Variants in ZBTB41 observed in about 807,000 individuals in gnomAD.
The protein encoded by ZBTB41 is zinc finger and BTB domain containing 41.
Under a neutral mutation model 87.6 loss-of-function variants are expected in ZBTB41, and 42 were observed. The observed-to-expected ratio is 0.48, with a 90% confidence interval of 0.37 to 0.62. The LOEUF is 0.62. Among genes scored for constraint, ZBTB41 ranks in the 20% least tolerant of loss-of-function variants. ZBTB41 has a pLI of 0.00. For missense variants in ZBTB41, 799 were observed against 1,078.9 expected, an observed-to-expected ratio of 0.74 and a Z score of 3.63; for synonymous variants, 364 against 364.0, an observed-to-expected ratio of 1.00 and a Z score of 0.00.
intron 9 of ZBTB41, 136 bp downstream of exon 9, chr1:197,174,865 TTTAGGTCTA>T: frequency 2.1e-6 from 1 of 485,038 alleles, no homozygotes; most frequent in Non-Finnish European, 3.6e-6. Context: ...GCTGAATTCT[TTTAGGTCTA>T]TAGAGATGCT....
In ZBTB41 at chr1:197,199,916, T is replaced by C; in HGVS notation, c.558A>G (p.Leu186=). Residue 186 remains leucine (L), a synonymous_variant, in exon 2 of 11, where the codon CTA becomes CTG. Coordinates refer to ENST00000367405, the MANE Select transcript of ZBTB41 (RefSeq NM_194314.3). ...TTTCTTCTGGTGATGACTTTTCAGTTAGCTCTGAATGAAAAGGGGCAACAT... is the reference window on the plus strand; with the variant it reads ...TTTCTTCTGGTGATGACTTTTCAGTCAGCTCTGAATGAAAAGGGGCAACAT... ...NENVAPFHSE[L]TEKSSPEETL... 1 of 1,612,390 alleles carries C rather than the reference T, an allele frequency of 6.2e-7. No homozygotes were observed. Among genetic ancestry groups the C allele is most frequent in the Non-Finnish European group, 8.5e-7 (1 of 1,179,122 alleles).
chr1:197,199,477 C>T lies in ZBTB41; in HGVS notation c.997G>A (p.Glu333Lys), dbSNP rs765649051. The change falls in exon 2 of 11, where the codon GAA (glutamate) becomes AAA (lysine). Residue 333 changes from glutamate to lysine, a missense_variant. This residue lies in a region of ZBTB41 where 294 missense variants were observed against 340.1 expected (regional missense o/e 0.86). Transcript: ENST00000367405. ...QSEKDHNDAEEEPEAGDSVGN... is the reference protein window; with the variant it reads ...QSEKDHNDAEKEPEAGDSVGN... ...ACAGAATCACCAGCCTCAGGTTCTT[C>T]TTCTGCATCATTATGATCCTTTTCA... is the stretch of plus-strand genomic sequence containing the variant. 1.2e-6 allele frequency: 2 copies of T among 1,613,462 alleles called. No homozygotes were observed. The highest frequency in any genetic ancestry group is 3.3e-5 in the Admixed American group (2 of 59,884).
In ZBTB41 at chr1:197,155,936, T is replaced by C. The variant is rs1039117611; in HGVS notation, c.*3423A>G. ...ATGGGATTTTAGGCTGCAAAAAAAATAGGTTGGGTTTCTTACAAAAATAAC... is the reference window on the plus strand; with the variant it reads ...ATGGGATTTTAGGCTGCAAAAAAAACAGGTTGGGTTTCTTACAAAAATAAC... On this transcript the variant is annotated 3_prime_UTR_variant, in exon 11 of 11. Transcript: ENST00000367405. 1 of 152,192 alleles carries C rather than the reference T, an allele frequency of 6.6e-6. No homozygotes were observed. Among genetic ancestry groups the C allele is most frequent in the African/African-American group, 2.4e-5 (1 of 41,388 alleles). 9.4% of individuals were successfully genotyped at this position (152,192 alleles called of 1,614,324 possible).
At chr1:197,188,226 G>A in intron 5 of ZBTB41, 66 bp downstream of exon 5, 1 of 1,550,428 alleles carries the variant, frequency 6.4e-7, no homozygotes, top group Non-Finnish European at 8.8e-7. Flanking sequence ...GCTATAGAAG[G>A]CTCCTCCAGC....
intron 2 of ZBTB41, 36 bp from the exon 3 acceptor site, chr1:197,191,935 C>A (rs1178095699): frequency 1.3e-6 from 2 of 1,495,044 alleles, no homozygotes; most frequent in African/African-American, 1.4e-5. Flanking sequence ...AAATTTAGTA[C>A]ATTTGCTATA....
intron 8 of ZBTB41, 152 bp downstream of exon 8, chr1:197,176,412 T>C: frequency 1.8e-6 from 1 of 564,896 alleles, no homozygotes; most frequent in Non-Finnish European, 3.1e-6. Context: ...TGGATGCTTT[T>C]TAAAAAATGT....
chr1:197,188,520 T>A, intron 4 of ZBTB41, 81 bp from the exon 5 acceptor site: 1 of 1,281,444 alleles, frequency 7.8e-7, no homozygotes, highest in Non-Finnish European at 1.0e-6. Context: ...AAGAAAACCA[T>A]ATAAATTCAA....
chr1:197,191,910 AG>A lies in ZBTB41; in HGVS notation c.1121-12del, dbSNP rs754034413. 20 of 1,554,962 alleles carry A rather than the reference AG, an allele frequency of 1.3e-5. No individual in the cohort carries two copies. The African/African-American group carries it at 2.2e-4, about 17-fold the overall frequency. ...GGCTCTCATATTTTCCTATAAAAAA[AG>A]AAAAATTAAAATTAAATTTAGTACA... On this transcript the variant is annotated splice_polypyrimidine_tract_variant and intron_variant, in intron 2 of 10. Coordinates refer to ENST00000367405, the MANE Select transcript of ZBTB41 (RefSeq NM_194314.3).
At chr1:197,177,030 C>T (rs1659625682) in intron 7 of ZBTB41, among the ~76,000 whole-genome samples, 1 of 152,056 alleles carries the variant, frequency 6.6e-6, no homozygotes, top group African/African-American at 2.4e-5. Flanking sequence ...TAGGAGTAAT[C>T]AGAAAGGAAT....
At chr1:197,188,204 A>G in intron 5 of ZBTB41, 88 bp downstream of exon 5, 1 of 1,468,740 alleles carries the variant, frequency 6.8e-7, no homozygotes, top group Non-Finnish European at 9.3e-7. Flanking sequence ...TTAGAAGAAA[A>G]AGAGTAATTC....
At chr1:197,173,850 CAT>C (rs1365085178) in intron 9 of ZBTB41, among the ~76,000 whole-genome samples, 5 of 152,028 alleles carry the variant, frequency 3.3e-5, no homozygotes, top group East Asian at 1.9e-4. Context: ...CCCCATAAAA[CAT>C]GTGGCAATGC....
intron 2 of ZBTB41, among the ~76,000 whole-genome samples, chr1:197,195,337 T>C (rs1660137471): frequency 6.6e-6 from 1 of 152,212 alleles, no homozygotes. Context: ...AATTTGACCT[T>C]ATACAGAGTT....
chr1:197,197,258 C>CA (rs1462907485), intron 2 of ZBTB41, among the ~76,000 whole-genome samples: 2 of 151,390 alleles, frequency 1.3e-5, no homozygotes, highest in East Asian at 1.9e-4. Context: ...AACAGGATTC[C>CA]AAAAAAACCA....
intron 4 of ZBTB41, 128 bp from the exon 5 acceptor site, chr1:197,188,567 A>T: frequency 1.1e-6 from 1 of 925,570 alleles, no homozygotes; most frequent in Non-Finnish European, 1.5e-6. Flanking sequence ...ACTTACAAAA[A>T]GTAAAATTCA....
Position 197,159,274 on chromosome 1 carries a change from A to G in ZBTB41, c.*85T>C. The stretch of plus-strand genomic sequence containing the variant: ...ACTTGAGAAACTAGAGAAAACAAGA[A>G]AATAGCAGCCCCACAAATTTAAAAG... On this transcript the variant is annotated 3_prime_UTR_variant, in exon 11 of 11. Coordinates refer to ENST00000367405, the MANE Select transcript of ZBTB41 (RefSeq NM_194314.3). 7.3e-7 allele frequency: 1 copy of G among 1,369,456 alleles called. No homozygotes were observed. Among genetic ancestry groups the G allele is most frequent in the Non-Finnish European group, 1.0e-6 (1 of 994,042 alleles). 84.8% of individuals were successfully genotyped at this position (1,369,456 alleles called of 1,614,324 possible).
At position 197,186,942 on chromosome 1, in the gene ZBTB41, G is replaced by T. The variant is rs149284128; in HGVS notation, c.1546+1350C>A. The stretch of plus-strand genomic sequence containing the variant: ...ACAGACACCACACCAAAGATATACA[G>T]ATGGTAAATAAACATGAAAAGATGC... On this transcript the variant is annotated intron_variant, in intron 5 of 10. Transcript: ENST00000367405. Among the ~76,000 whole-genome samples the T allele has an allele frequency of 1.8e-3, 271 of 152,092 alleles. 1 individual carries two copies. Among genetic ancestry groups the T allele is most frequent in the African/African-American group, 6.3e-3 (261 of 41,520 alleles).
chr1:197,178,272 A>T (rs1346605749), intron 7 of ZBTB41, 145 bp downstream of exon 7: 1 of 444,338 alleles, frequency 2.3e-6, no homozygotes, highest in African/African-American at 2.0e-5. Flanking sequence ...GTAAAAAAAA[A>T]ATCTATGCAG....
chr1:197,193,248 C>G (rs561895253), intron 2 of ZBTB41, among the ~76,000 whole-genome samples: 3 of 151,944 alleles, frequency 2.0e-5, no homozygotes, highest in Admixed American at 6.6e-5. Flanking sequence ...CTTAAAACAT[C>G]CTGGCACAGC....
chr1:197,187,368 G>C (rs1031878524), intron 5 of ZBTB41, among the ~76,000 whole-genome samples: 6 of 152,162 alleles, frequency 3.9e-5, no homozygotes, highest in Non-Finnish European at 8.8e-5. Context: ...TCCTCCCTAG[G>C]TATCCATGAG....
Sources: allele counts gnomAD v4.1 joint callset (sites outside exome capture counted in the v4.1 genomes callset), GRCh38; gene constraint gnomAD v4.1.1; regional missense constraint gnomAD v4.1.1; transcripts MANE v1.5; gene names NCBI Gene and HGNC (gene_info 2026-07-23, HGNC 2026-07-21).